Variants in DMD observed in about 807,000 individuals in gnomAD.
DMD encodes the protein mutant dystrophin.
DMD carries 63 observed loss-of-function variants against 330.1 expected under a neutral mutation model. The ratio of observed to expected loss-of-function variants is 0.19; its 90% confidence interval spans 0.16 to 0.24. The LOEUF (loss-of-function observed/expected upper bound fraction) is 0.24. Ranked by LOEUF, DMD falls within the 10% of genes least tolerant of loss-of-function variation. DMD has a pLI of 1.00. For missense variants in DMD, 3,344 were observed against 2,684.1 expected, an observed-to-expected ratio of 1.25 and a Z score of -5.43; for synonymous variants, 1,223 against 959.8, an observed-to-expected ratio of 1.27 and a Z score of -5.07.
chrX:31,694,647 TATACAC>T (rs1401864569), intron 52 of DMD, among the ~76,000 whole-genome samples: 28 of 84,413 alleles, frequency 3.3e-4, no homozygotes, highest in African/African-American at 1.1e-3. Context: ...TATATATATA[TATACAC>T]ACACATATAT....
intron 5 of DMD, among the ~76,000 whole-genome samples, chrX:32,821,325 C>T (rs2078223257): frequency 9.0e-6 from 1 of 111,444 alleles, no homozygotes; most frequent in South Asian, 3.8e-4. Context: ...TGGCTCATGC[C>T]TGCAATCCCA....
intron 54 of DMD, among the ~76,000 whole-genome samples, chrX:31,646,158 C>T (rs904453394): frequency 1.8e-5 from 2 of 111,337 alleles, no homozygotes. Context: ...CTGAAATATA[C>T]GTTCTTAGGA....
chrX:31,628,685 CCTCT>C (rs1237825575), intron 54 of DMD, among the ~76,000 whole-genome samples: 1 of 109,984 alleles, frequency 9.1e-6, no homozygotes, highest in Non-Finnish European at 1.9e-5. Context: ...TGGCAAGTTC[CCTCT>C]CTGATTCTCA....
chrX:31,241,895 A>G (rs1325396206), intron 63 of DMD, among the ~76,000 whole-genome samples: 1 of 111,562 alleles, frequency 9.0e-6, no homozygotes, highest in African/African-American at 3.3e-5. Flanking sequence ...AATGCAATGT[A>G]AATTTCTCAC....
intron 11 of DMD, among the ~76,000 whole-genome samples, chrX:32,632,009 C>T (rs771712856): frequency 4.5e-5 from 5 of 111,434 alleles, no homozygotes; most frequent in South Asian, 3.8e-4. Flanking sequence ...CTCAAAAGTC[C>T]GGAGTCTCAT....
At chrX:32,960,238 T>C (rs1205220445) in intron 2 of DMD, 1 of 111,253 alleles carries the variant, frequency 9.0e-6, no homozygotes, top group Non-Finnish European at 1.9e-5. Flanking sequence ...ATGTGTCTTC[T>C]TTACTTGAAC....
chrX:31,549,955 G>C (rs2074380446), intron 55 of DMD, among the ~76,000 whole-genome samples: 1 of 112,406 alleles, frequency 8.9e-6, no homozygotes, highest in Non-Finnish European at 1.9e-5. Flanking sequence ...CACACCATAG[G>C]TTAAGTTTGA....
intron 48 of DMD, among the ~76,000 whole-genome samples, chrX:31,861,946 T>TATACACAC (rs535459357): frequency 3.4e-5 from 3 of 87,966 alleles, no homozygotes; most frequent in Admixed American, 1.3e-4. Flanking sequence ...GAAAATAATA[T>TATACACAC]ACACACACAC....
chrX:32,969,712 C>G (rs2092317531), intron 2 of DMD, among the ~76,000 whole-genome samples: 1 of 94,452 alleles, frequency 1.1e-5, no homozygotes, highest in South Asian at 5.1e-4. Context: ...TACATATGCA[C>G]ATATATATGT....
chrX:31,410,451 A>C (rs1267632698), intron 60 of DMD, among the ~76,000 whole-genome samples: 1 of 111,904 alleles, frequency 8.9e-6, no homozygotes, highest in African/African-American at 3.2e-5. Context: ...CAATAGAGCT[A>C]GATGTAAAAA....
chrX:31,609,586 T>C (rs759038591), intron 55 of DMD, among the ~76,000 whole-genome samples: 11 of 112,140 alleles, frequency 9.8e-5, no homozygotes, highest in African/African-American at 2.9e-4. Context: ...TCATCTCGTC[T>C]TTCAAATTCT....
intron 45 of DMD, among the ~76,000 whole-genome samples, chrX:31,945,191 G>A (rs1321700355): frequency 2.7e-5 from 3 of 111,990 alleles, no homozygotes; most frequent in Non-Finnish European, 3.8e-5. Context: ...AGGCAAGCTC[G>A]CCTGTCATTA....
At chrX:31,323,878 A>C (rs1266031528) in intron 61 of DMD, among the ~76,000 whole-genome samples, 1 of 111,129 alleles carries the variant, frequency 9.0e-6, no homozygotes, top group Non-Finnish European at 1.9e-5. Flanking sequence ...CGAAGAAAAA[A>C]AAAACCCACA....
chrX:31,783,307 A>T (rs1440410993), intron 50 of DMD, among the ~76,000 whole-genome samples: 2 of 112,093 alleles, frequency 1.8e-5, no homozygotes, highest in African/African-American at 6.5e-5. Flanking sequence ...TCTGCAGTGA[A>T]AACTAAGCAA....
chrX:31,148,408 A>G (rs927717070), intron 74 of DMD, among the ~76,000 whole-genome samples: 1 of 112,329 alleles, frequency 8.9e-6, no homozygotes, highest in African/African-American at 3.2e-5. Flanking sequence ...AACTGCCATA[A>G]GGTATTATTA....
chrX:32,896,750 T>C (rs1358649139), intron 2 of DMD, among the ~76,000 whole-genome samples: 1 of 112,654 alleles, frequency 8.9e-6, no homozygotes, highest in Non-Finnish European at 1.9e-5. Context: ...AAATGAACAC[T>C]TAGTTTTCAC....
intron 74 of DMD, among the ~76,000 whole-genome samples, chrX:31,162,356 T>TAAAAAAAAACAAAAAAAA (rs2038922937): frequency 2.0e-5 from 1 of 50,608 alleles, no homozygotes; most frequent in African/African-American, 6.6e-5. Flanking sequence ...ATGAAAAATC[T>TAAAAAAAAACAAAAAAAA]AAAAAAAAAA....
At chrX:33,017,444 G>A (rs778931939) in intron 2 of DMD, among the ~76,000 whole-genome samples, 1 of 111,242 alleles carries the variant, frequency 9.0e-6, no homozygotes, top group Non-Finnish European at 1.9e-5. Context: ...CATTTTTATA[G>A]TTGTATGAAT....
chrX:32,541,714 TGAGA>T (rs764795492), intron 17 of DMD, among the ~76,000 whole-genome samples: 13 of 110,456 alleles, frequency 1.2e-4, no homozygotes, highest in Admixed American at 6.8e-4. Flanking sequence ...GCTGATTACC[TGAGA>T]GACAAAATTA....
Sources: gnomAD v4.1 joint callset for allele counts (sites outside exome capture counted in the v4.1 genomes callset) on GRCh38, gnomAD v4.1.1 for gene constraint, MANE v1.5 for transcripts, NCBI Gene and HGNC (gene_info 2026-07-23, HGNC 2026-07-21) for gene names.